Variants in APC2 observed in about 807,000 individuals in gnomAD.
APC2 encodes APC regulator of Wnt signaling pathway 2.
A neutral mutation model predicts 72.5 loss-of-function variants in APC2; 41 were observed. The observed-to-expected ratio is 0.57, with a 90% CI of 0.44 to 0.73. The LOEUF is 0.73. Ranked by LOEUF, APC2 falls within the 30% of genes least tolerant of loss-of-function variation. The probability of loss-of-function intolerance (pLI) is 0.00; values close to 1 mark genes in which losing one functional copy is unlikely to be tolerated. For missense variants in APC2, 3,729 were observed against 3,403.4 expected (o/e 1.10, Z -2.38); for synonymous variants, 1,898 against 1,612.0 (o/e 1.18, Z -4.25).
Position 1,468,850 on chromosome 19 carries a change from C to T in APC2, c.5549C>T (p.Ser1850Leu), listed in dbSNP as rs1469544119. The T allele has an allele frequency of 1.3e-6, 2 of 1,547,876 alleles. No homozygotes were observed. Among genetic ancestry groups the T allele is most frequent in the African/African-American group, 1.4e-5 (1 of 72,146 alleles). ...AGCCTACACCGGCCTGCCAAGACCT[C>T]GGAGCTGGCGACGCTGAGCCAGCCC... ...SRSLHRPAKT[S>L]ELATLSQPPR... The change falls in exon 15 of 15, where the codon TCG (serine) becomes TTG (leucine). Residue 1850 changes from serine (S) to leucine (L), a missense_variant. Transcript: ENST00000590469.
Position 1,452,051 on chromosome 19 carries a change from G to A in APC2, c.-18-933G>A, listed in dbSNP as rs535349261. Reference sequence around the variant, plus strand: ...CAGAGGGATGGGCTGCCATTGGTGCGTCTGAGACAAAGGCGGAGGGAGGAG... The same window carrying A: ...CAGAGGGATGGGCTGCCATTGGTGCATCTGAGACAAAGGCGGAGGGAGGAG... On this transcript the variant is annotated intron_variant, in intron 1 of 14. Transcript: ENST00000590469. The surrounding 1 kb of genome is among the most constrained non-coding windows in gnomAD (Gnocchi z 5.1). 1.4e-4 allele frequency: 21 copies of A among 153,940 alleles called. No homozygotes were observed. In the East Asian group the frequency reaches 2.3e-3, roughly 17 times the overall value. 9.5% of individuals were successfully genotyped at this position (153,940 alleles called of 1,614,324 possible).
rs370595678 is a variant in APC2, at chr19:1,465,187, C to T, written c.1886C>T (p.Thr629Met). The change falls in exon 15 of 15, where the codon ACG becomes ATG. Residue 629 changes from threonine (T) to methionine (M), a missense_variant. Physicochemically the swap from Thr to Met is moderately conservative, Grantham distance 81. Transcript: ENST00000590469. ...QVLRDHNCLQ[T>M]LLQHLTSHSL... ...CTCCGGGATCACAACTGTCTGCAGA[C>T]GCTGCTGCAGCATCTGACTTCGCAC... The T allele has an allele frequency of 3.1e-6, 5 of 1,606,334 alleles. No individual in the cohort carries two copies. Among genetic ancestry groups the T allele is most frequent in the East Asian group, 2.2e-5 (1 of 44,538 alleles).
rs375993649 is a variant in APC2, at chr19:1,466,704, C to T, written c.3403C>T (p.Arg1135Trp). The change falls in exon 15 of 15, where the codon CGG becomes TGG. Residue 1135 changes from arginine to tryptophan, a missense_variant. Coordinates refer to ENST00000590469, the MANE Select transcript of APC2 (RefSeq NM_005883.3). ...TCCGGCTCCCCGGCGTAACCGAGGC[C>T]GGGGCCTGGGGGTGGAAGACGCCAC... ...AIPAPRRNRG[R>W]GLGVEDATPS... The T allele has an allele frequency of 5.9e-6, 9 of 1,525,496 alleles. No homozygotes were observed. Among genetic ancestry groups the T allele is most frequent in the East Asian group, 2.4e-5 (1 of 40,894 alleles). The allele number at this position is 1,525,496 out of a possible 1,614,324, so 94.5% of individuals were successfully genotyped here. A position where few individuals can be genotyped will look rare whatever the true frequency, so the allele number is the denominator to read the frequency against.
chr19:1,458,049 T>C lies in APC2; in HGVS notation c.1292T>C (p.Met431Thr). The C allele has an allele frequency of 1.9e-6, 3 of 1,562,646 alleles. No individual in the cohort carries two copies. The highest frequency in any genetic ancestry group is 2.3e-5 in the East Asian group (1 of 42,858). The change falls in exon 10 of 15, where the codon ATG becomes ACG. Residue 431 changes from methionine to threonine, a missense_variant. Met to Thr is a moderately conservative substitution (Grantham distance 81, BLOSUM62 -1). Transcript: ENST00000590469. ...TTTGATGAGGAGTACCGCCGTGCCA[T>C]GAACGAGCTAGGTGAGTGTCCCAGG... ...LSFDEEYRRAMNELGGLQAVA... is the reference protein window; with the variant it reads ...LSFDEEYRRATNELGGLQAVA...
Position 1,465,575 on chromosome 19 carries a change from G to C in APC2, c.2274G>C (p.Leu758=). The C allele has an allele frequency of 6.4e-7, 1 of 1,562,896 alleles. No homozygotes were observed. Among genetic ancestry groups the C allele is most frequent in the Non-Finnish European group, 8.6e-7 (1 of 1,156,198 alleles). The change falls in exon 15 of 15, where the codon CTG becomes CTC. Residue 758 remains leucine, a synonymous_variant. Transcript: ENST00000590469. ...CCGAGGCCGCCACTAAGAAGCCGCT[G>C]CCGCCCCTGCGACACCTGGACGGCC... ...PAAEAATKKP[L]PPLRHLDGLA... is the part of the protein sequence containing the mutation.
chr19:1,456,530 G>C (rs1248376498), intron 8 of APC2, 126 bp downstream of exon 8: 1 of 1,054,312 alleles, frequency 9.5e-7, no homozygotes, highest in Non-Finnish European at 1.3e-6. Context: ...GTGTAGGAAG[G>C]CCCCTCTGGC....
intron 13 of APC2, 71 bp downstream of exon 13, chr19:1,461,224 G>A (rs538248026): frequency 7.4e-7 from 1 of 1,348,310 alleles, no homozygotes; most frequent in Non-Finnish European, 1.0e-6. Flanking sequence ...CAGCGGGCGA[G>A]CTCTCCGACT....
Position 1,455,265 on chromosome 19 carries a change from G to T in APC2, c.522+8G>T, listed in dbSNP as rs370854425. On this transcript the variant is annotated splice_region_variant and intron_variant, in intron 5 of 14. Coordinates refer to ENST00000590469, the MANE Select transcript of APC2 (RefSeq NM_005883.3). ...CTGCCGCACGTGGAGACGGTGAGCC[G>T]GCCGGGGAGCCAGGGGGCAGCGCGC... The T allele has an allele frequency of 5.1e-6, 8 of 1,563,336 alleles. No individual in the cohort carries two copies. Among genetic ancestry groups the T allele is most frequent in the South Asian group, 2.4e-5 (2 of 84,922 alleles).
chr19:1,457,898 G>GGGGGGGGGGGGGC (rs1555675929), intron 9 of APC2, 67 bp from the exon 10 acceptor site: 3 of 1,432,498 alleles, frequency 2.1e-6, no homozygotes, highest in East Asian at 2.6e-5. Context: ...CGGGTTGCGG[G>GGGGGGGGGGGGGC]ACCTTCGGGA....
In APC2 at chr19:1,467,931, G is replaced by T; in HGVS notation, c.4630G>T (p.Gly1544Cys). The T allele has an allele frequency of 6.3e-7, 1 of 1,585,910 alleles. No homozygotes were observed. Among genetic ancestry groups the T allele is most frequent in the Non-Finnish European group, 8.5e-7 (1 of 1,174,304 alleles). ...PRAFTRERPQ[G>C]RKEAPAPSKA... ...CGCTTTTACGCGGGAGCGTCCGCAG[G>T]GCCGGAAGGAGGCCCCTGCCCCGTC... is the stretch of plus-strand genomic sequence containing the variant. The change falls in exon 15 of 15, where the codon GGC becomes TGC. Residue 1544 changes from glycine to cysteine, a missense_variant. Transcript: ENST00000590469.
In APC2 at chr19:1,457,895, C is replaced by CCGGGGGGGGGGGGGGGGGGGG. The variant is rs374378343; in HGVS notation, c.1208-70_1208-69insCGGGGGGGGGGGGGGGGGGGG. On this transcript the variant is annotated intron_variant, in intron 9 of 14. Coordinates refer to ENST00000590469, the MANE Select transcript of APC2 (RefSeq NM_005883.3). Reference sequence around the variant, plus strand: ...CTTCAGGCCTGGGGCGGGCGGGTTGCGGGACCTTCGGGAGTCACCTGGGAC... The same window carrying CCGGGGGGGGGGGGGGGGGGGG: ...CTTCAGGCCTGGGGCGGGCGGGTTGCCGGGGGGGGGGGGGGGGGGGGGGGACCTTCGGGAGTCACCTGGGAC... The CCGGGGGGGGGGGGGGGGGGGG allele has an allele frequency of 8.0e-6, 10 of 1,251,644 alleles. No individual in the cohort carries two copies. The African/African-American group carries it at 1.5e-4, about 19-fold the overall frequency. 77.5% of individuals were successfully genotyped at this position (1,251,644 alleles called of 1,614,324 possible). A position where few individuals can be genotyped will look rare whatever the true frequency, so the allele number is the denominator to read the frequency against.
Position 1,467,538 on chromosome 19 carries a change from G to A in APC2, c.4237G>A (p.Gly1413Arg), listed in dbSNP as rs1048922758. 4 of 1,488,616 alleles carry A rather than the reference G, an allele frequency of 2.7e-6. No individual in the cohort carries two copies. Among genetic ancestry groups the A allele is most frequent in the Non-Finnish European group, 3.6e-6 (4 of 1,124,572 alleles). 92.2% of individuals were successfully genotyped at this position (1,488,616 alleles called of 1,614,324 possible). A position where few individuals can be genotyped will look rare whatever the true frequency, so the allele number is the denominator to read the frequency against. Residue 1413 changes from glycine (G) to arginine (R), a missense_variant, in exon 15 of 15, where the codon GGA becomes AGA. Physicochemically the swap from Gly to Arg is moderately radical, Grantham distance 125. Transcript: ENST00000590469. ...AASLSDETLQ[G>R]PPRDQPGGPA... ...CTCGCTCAGCGACGAGACGCTGCAG[G>A]GACCCCCCAGGGACCAGCCCGGGGG...
chr19:1,465,176 C>T lies in APC2; in HGVS notation c.1875C>T (p.Asn625=), dbSNP rs749421753. ...EDYRQVLRDH[N]CLQTLLQHLT... is the part of the protein sequence containing the mutation. The stretch of plus-strand genomic sequence containing the variant: ...ACAGGCAGGTGCTCCGGGATCACAA[C>T]TGTCTGCAGACGCTGCTGCAGCATC... The change falls in exon 15 of 15, where the codon AAC becomes AAT. Residue 625 remains asparagine (N), a synonymous_variant. Transcript: ENST00000590469. The T allele has an allele frequency of 6.2e-7, 1 of 1,604,450 alleles. No individual in the cohort carries two copies.
At position 1,468,767 on chromosome 19, in the gene APC2, C is replaced by T; in HGVS notation, c.5466C>T (p.Cys1822=). ...CACCGCGGAAGGTGGCGCCCCCTTG[C>T]CTGGCACAGCCCGCGGCTCCAGCCA... ...RATPRKVAPP[C]LAQPAAPAKV... The change falls in exon 15 of 15, where the codon TGC becomes TGT. Residue 1822 remains cysteine, a synonymous_variant. Coordinates refer to ENST00000590469, the MANE Select transcript of APC2 (RefSeq NM_005883.3). 6.6e-7 allele frequency: 1 copy of T among 1,504,336 alleles called. No homozygotes were observed. The highest frequency in any genetic ancestry group is 8.9e-7 in the Non-Finnish European group (1 of 1,126,956). 93.2% of individuals were successfully genotyped at this position (1,504,336 alleles called of 1,614,324 possible).
At position 1,467,867 on chromosome 19, in the gene APC2, G is replaced by A. The variant is rs746059768; in HGVS notation, c.4566G>A (p.Ala1522=). ...NDSDEEPPAA[A]PTPTHRRTSA... ...CGGACGAGGAGCCCCCGGCGGCCGC[G>A]CCCACGCCAACCCACCGGCGCACAT... The change falls in exon 15 of 15, where the codon GCG becomes GCA. Residue 1522 remains alanine, a synonymous_variant. Coordinates refer to ENST00000590469, the MANE Select transcript of APC2 (RefSeq NM_005883.3). 2.6e-6 allele frequency: 4 copies of A among 1,561,770 alleles called. No homozygotes were observed. Among genetic ancestry groups the A allele is most frequent in the Non-Finnish European group, 3.4e-6 (4 of 1,163,088 alleles).
chr19:1,455,047 T>G, intron 4 of APC2, 102 bp from the exon 5 acceptor site: 1 of 557,936 alleles, frequency 1.8e-6, no homozygotes. Flanking sequence ...ATGTTGCCTG[T>G]TAACCTTGGC....
At chr19:1,449,471 C>A (rs1396455183), upstream of APC2, among the ~76,000 whole-genome samples, 1 of 152,144 alleles carries the variant, frequency 6.6e-6, no homozygotes, top group Non-Finnish European at 1.5e-5. Context: ...GGGGCAGAGA[C>A]ACATGGAGAC....
rs757544979 is a variant in APC2, at chr19:1,466,141, T to C, written c.2840T>C (p.Leu947Pro). ...CPREHMLPCP[L>P]AALASRREDP... ...CGCGAACATATGCTGCCCTGCCCGC[T>C]GGCCGCACTGGCTTCGCGCCGCGAG... is the stretch of plus-strand genomic sequence containing the variant. The change falls in exon 15 of 15, where the codon CTG (leucine) becomes CCG (proline). Residue 947 changes from leucine (L) to proline (P), a missense_variant. Transcript: ENST00000590469. The C allele has an allele frequency of 6.4e-7, 1 of 1,565,132 alleles. No individual in the cohort carries two copies. The highest frequency in any genetic ancestry group is 1.2e-5 in the South Asian group (1 of 86,760).
At chr19:1,455,530 T>C in intron 6 of APC2, 30 bp downstream of exon 6, 1 of 1,574,974 alleles carries the variant, frequency 6.3e-7, no homozygotes, top group South Asian at 1.1e-5. Context: ...GGCGCGGCGG[T>C]AGGCGGGGCC....
Sources: gnomAD v4.1 joint callset for allele counts (sites outside exome capture counted in the v4.1 genomes callset) on GRCh38, gnomAD v4.1.1 for gene constraint, Gnocchi (gnomAD v3.1) non-coding constraint, MANE v1.5 for transcripts, NCBI Gene and HGNC (gene_info 2026-07-23, HGNC 2026-07-21) for gene names.